Variants in KSR2 observed in about 807,000 individuals in gnomAD.
KSR2 encodes kinase suppressor of ras 2.
Under a neutral mutation model 107.8 loss-of-function variants are expected in KSR2, and 25 were observed. That is an observed-to-expected ratio of 0.23 (90% CI 0.17 to 0.32). The LOEUF (loss-of-function observed/expected upper bound fraction) is 0.32. Ranked by LOEUF, KSR2 falls within the 10% of genes least tolerant of loss-of-function variation. KSR2 has a pLI of 1.00. For synonymous variants in KSR2, 480 were observed against 507.0 expected (o/e 0.95, Z 0.71); for missense variants, 887 against 1,268.9 (o/e 0.70, Z 4.57).
At chr12:117,926,215 G>A (rs1292270263) in intron 1 of KSR2, among the ~76,000 whole-genome samples, 3 of 152,028 alleles carry the variant, frequency 2.0e-5, no homozygotes, top group African/African-American at 4.8e-5. Flanking sequence ...AATAACAACC[G>A]AGAAAAGGGG....
chr12:117,570,343 C>T (rs565772953), intron 7 of KSR2, among the ~76,000 whole-genome samples: 1 of 152,250 alleles, frequency 6.6e-6, no homozygotes, highest in South Asian at 2.1e-4. Context: ...GTGCTACTGG[C>T]ATCTAGTGGG....
Position 117,855,543 on chromosome 12 carries a change from G to A in KSR2, c.357C>T (p.Leu119=), listed in dbSNP as rs1310105992. ...ACACCTGTTCATCCGTCATCTCCAA[G>A]AGGTCCTCCAGGCTCAGCTGGCCGG... ...ISPGQLSLED[L]LEMTDEQVCE... The change falls in exon 3 of 20, where the codon CTC becomes CTT. Residue 119 remains leucine (L), a synonymous_variant. Coordinates refer to ENST00000339824, the MANE Select transcript of KSR2 (RefSeq NM_173598.6). 2 of 1,614,022 alleles carry A rather than the reference G, an allele frequency of 1.2e-6. No individual in the cohort carries two copies. The highest frequency in any genetic ancestry group is 1.7e-6 in the Non-Finnish European group (2 of 1,179,888).
chr12:117,524,787 A>G, intron 14 of KSR2, 65 bp downstream of exon 14: 1 of 1,531,602 alleles, frequency 6.5e-7, no homozygotes. Flanking sequence ...GCAGAAAACC[A>G]TTTCTCAACC....
chr12:117,789,502 G>A (rs1383275309), intron 3 of KSR2, among the ~76,000 whole-genome samples: 1 of 152,192 alleles, frequency 6.6e-6, no homozygotes, highest in Non-Finnish European at 1.5e-5. Flanking sequence ...CCTTTTAACT[G>A]GTGGCAAAAC....
At chr12:117,629,190 A>G (rs1256596974) in intron 5 of KSR2, among the ~76,000 whole-genome samples, 4 of 152,062 alleles carry the variant, frequency 2.6e-5, no homozygotes, top group Admixed American at 2.0e-4. Context: ...GCTTTGGCTC[A>G]CCCTCCATGG....
chr12:117,584,939 T>C (rs1361395262), intron 5 of KSR2, among the ~76,000 whole-genome samples: 1 of 152,148 alleles, frequency 6.6e-6, no homozygotes, highest in Non-Finnish European at 1.5e-5. Flanking sequence ...ACTCTGCAAT[T>C]GTTTGAAAGT....
intron 3 of KSR2, among the ~76,000 whole-genome samples, chr12:117,794,222 C>CAT (rs1890480474): frequency 9.5e-6 from 1 of 105,176 alleles, no homozygotes; most frequent in Non-Finnish European, 1.9e-5. Flanking sequence ...AACATGCACA[C>CAT]ACACCAACAT....
At chr12:117,676,208 C>T (rs532975143) in intron 4 of KSR2, among the ~76,000 whole-genome samples, 5 of 152,254 alleles carry the variant, frequency 3.3e-5, no homozygotes, top group African/African-American at 1.2e-4. Context: ...TGTTATTGGC[C>T]ACAGGCGATA....
intron 3 of KSR2, among the ~76,000 whole-genome samples, chr12:117,780,226 T>C (rs535294643): frequency 6.6e-6 from 1 of 152,218 alleles, no homozygotes; most frequent in Non-Finnish European, 1.5e-5. Flanking sequence ...CCCAAAAGAA[T>C]TGAAAGAAGG....
intron 4 of KSR2, among the ~76,000 whole-genome samples, chr12:117,715,028 C>G (rs1208753480): frequency 6.6e-6 from 1 of 152,052 alleles, no homozygotes. Context: ...AGAAAAAAAA[C>G]TCTCCTGGTG....
At chr12:117,739,271 C>T (rs1325941334) in intron 4 of KSR2, among the ~76,000 whole-genome samples, 1 of 151,970 alleles carries the variant, frequency 6.6e-6, no homozygotes, top group Non-Finnish European at 1.5e-5. Flanking sequence ...AGGAGAATGG[C>T]GTGAACCTGG....
chr12:117,740,654 GTAATATA>G (rs375687457), intron 4 of KSR2, among the ~76,000 whole-genome samples: 1,594 of 138,254 alleles, frequency 0.012, 34 homozygotes, highest in African/African-American at 0.041. Flanking sequence ...TATTATATAT[GTAATATA>G]TAATATATAT....
intron 1 of KSR2, among the ~76,000 whole-genome samples, chr12:117,930,551 A>T (rs1895666616): frequency 6.6e-6 from 1 of 152,180 alleles, no homozygotes; most frequent in Admixed American, 6.6e-5. Context: ...GTAGCCACAT[A>T]CATAAAGCTC....
chr12:117,622,937 A>C (rs1256136213), intron 5 of KSR2, among the ~76,000 whole-genome samples: 3 of 152,194 alleles, frequency 2.0e-5, no homozygotes, highest in African/African-American at 7.2e-5. Flanking sequence ...CTAAAATTAT[A>C]GCATATTGAG....
chr12:117,640,101 C>T (rs1425466983), intron 5 of KSR2, among the ~76,000 whole-genome samples: 21 of 106,066 alleles, frequency 2.0e-4, no homozygotes, highest in Non-Finnish European at 3.7e-4. Context: ...GTATCGAATC[C>T]ATTCAATATG....
rs1477510905 is a variant in KSR2 at position 117,968,558 on chromosome 12, G to A, written c.-303C>T. On this transcript the variant is annotated 5_prime_UTR_variant, in exon 1 of 20. Coordinates refer to ENST00000339824, the MANE Select transcript of KSR2 (RefSeq NM_173598.6). ...GTTTCTCAGAAGCAAACCAGGTGAT[G>A]TGATGCTGTCTGTACACTTAGGGAG... 9.8e-7 allele frequency: 1 copy of A among 1,023,732 alleles called. No individual in the cohort carries two copies. Among genetic ancestry groups the A allele is most frequent in the African/African-American group, 1.7e-5 (1 of 59,960 alleles). 63.4% of individuals were successfully genotyped at this position (1,023,732 alleles called of 1,614,324 possible). A position where few individuals can be genotyped will look rare whatever the true frequency, so the allele number is the denominator to read the frequency against.
chr12:117,955,979 A>G (rs1896500192), intron 1 of KSR2, among the ~76,000 whole-genome samples: 2 of 151,978 alleles, frequency 1.3e-5, no homozygotes, highest in Admixed American at 6.6e-5. Flanking sequence ...AGCCAGGCGC[A>G]GTGGTTCACG....
chr12:117,954,026 G>C (rs1254122896), intron 1 of KSR2, among the ~76,000 whole-genome samples: 1 of 151,886 alleles, frequency 6.6e-6, no homozygotes, highest in South Asian at 2.1e-4. Flanking sequence ...GAAGTTTAAG[G>C]CTCCAGCAAG....
intron 4 of KSR2, among the ~76,000 whole-genome samples, chr12:117,682,991 A>G (rs147103573): frequency 5.9e-5 from 9 of 152,096 alleles, no homozygotes; most frequent in African/African-American, 2.2e-4. Flanking sequence ...CCTAAGTTGA[A>G]GCTTCAAATA....
Sources: gnomAD v4.1 joint callset for allele counts (sites outside exome capture counted in the v4.1 genomes callset) on GRCh38, gnomAD v4.1.1 for gene constraint, MANE v1.5 for transcripts, NCBI Gene and HGNC (gene_info 2026-07-23, HGNC 2026-07-21) for gene names.